Variants in GRIK2 observed in about 807,000 individuals in gnomAD.
GRIK2 encodes the protein glutamate ionotropic receptor kainate type subunit 2, also known as glutamate receptor ionotropic, kainate 2.
GRIK2 carries 32 observed loss-of-function variants against 100.3 expected under a neutral mutation model. The observed-to-expected ratio is 0.32, with a 90% CI of 0.24 to 0.43. GRIK2 has a LOEUF of 0.43. Ranked by LOEUF, GRIK2 falls within the 20% of genes least tolerant of loss-of-function variation. The pLI, the probability that GRIK2 is intolerant of heterozygous loss-of-function variation, is 1.00. For synonymous variants in GRIK2, 417 were observed against 389.4 expected, an observed-to-expected ratio of 1.07 and a Z score of -0.83; for missense variants, 843 against 1,114.9, an observed-to-expected ratio of 0.76 and a Z score of 3.47.
intron 7 of GRIK2, among the ~76,000 whole-genome samples, chr6:101,742,457 CTG>C (rs1164323910): frequency 6.6e-6 from 1 of 152,146 alleles, no homozygotes; most frequent in African/African-American, 2.4e-5. Flanking sequence ...ATATGAGTGA[CTG>C]TGGCCCATGA....
At chr6:101,850,411 T>C (rs1193632152) in intron 10 of GRIK2, among the ~76,000 whole-genome samples, 1 of 151,938 alleles carries the variant, frequency 6.6e-6, no homozygotes, top group Non-Finnish European at 1.5e-5. Context: ...TTTATACATA[T>C]CACATTAAAA....
chr6:101,830,294 T>G (rs1257381540), intron 10 of GRIK2, among the ~76,000 whole-genome samples: 1 of 151,980 alleles, frequency 6.6e-6, no homozygotes, highest in African/African-American at 2.4e-5. Flanking sequence ...TCAAGGAAAT[T>G]AAATCTAAGG....
chr6:101,780,283 T>C (rs1341220313), intron 7 of GRIK2, among the ~76,000 whole-genome samples: 1 of 152,116 alleles, frequency 6.6e-6, no homozygotes, highest in African/African-American at 2.4e-5. Context: ...TTTCCCCTCC[T>C]TTGCCCATCA....
intron 7 of GRIK2, among the ~76,000 whole-genome samples, chr6:101,756,339 T>A (rs1037757018): frequency 1.3e-5 from 2 of 152,180 alleles, no homozygotes; most frequent in African/African-American, 4.8e-5. Context: ...CTAAACAGAA[T>A]CTGGATAATG....
At chr6:101,512,301 T>C (rs1000261165) in intron 2 of GRIK2, among the ~76,000 whole-genome samples, 5 of 152,012 alleles carry the variant, frequency 3.3e-5, no homozygotes, top group Non-Finnish European at 7.4e-5. Context: ...AAAACAGAAA[T>C]AGGTAATGCA....
At chr6:101,950,960 G>A (rs898509764) in intron 14 of GRIK2, among the ~76,000 whole-genome samples, 1 of 152,218 alleles carries the variant, frequency 6.6e-6, no homozygotes, top group East Asian at 1.9e-4. Context: ...GCGGGCCATA[G>A]ATTTTATTTT....
chr6:101,857,146 G>A (rs1457175041), intron 10 of GRIK2, among the ~76,000 whole-genome samples: 1 of 152,070 alleles, frequency 6.6e-6, no homozygotes, highest in Non-Finnish European at 1.5e-5. Flanking sequence ...ACAGCAATGA[G>A]GGGCAGGGAA....
chr6:101,537,452 G>GCA (rs34764536), intron 2 of GRIK2, among the ~76,000 whole-genome samples: 1 of 69,260 alleles, frequency 1.4e-5, no homozygotes, highest in East Asian at 5.0e-4. Flanking sequence ...TTGTGTGTGT[G>GCA]TGCGTGTGTG....
At chr6:101,990,166 A>G (rs1032183391) in intron 14 of GRIK2, among the ~76,000 whole-genome samples, 3 of 151,726 alleles carry the variant, frequency 2.0e-5, no homozygotes, top group African/African-American at 7.2e-5. Context: ...CCCTAATAGT[A>G]CAGTGAGTCT....
intron 2 of GRIK2, among the ~76,000 whole-genome samples, chr6:101,409,041 G>T (rs984258165): frequency 6.6e-6 from 1 of 151,408 alleles, no homozygotes; most frequent in East Asian, 1.9e-4. Context: ...ACAGTAAATT[G>T]CCCCCAAGGA....
At chr6:101,623,668 G>C (rs1780288381) in intron 3 of GRIK2, among the ~76,000 whole-genome samples, 1 of 152,100 alleles carries the variant, frequency 6.6e-6, no homozygotes. Flanking sequence ...GCAAAATTAT[G>C]AATTGATAAA....
chr6:101,812,814 T>C (rs779725403), intron 9 of GRIK2, among the ~76,000 whole-genome samples: 1 of 151,992 alleles, frequency 6.6e-6, no homozygotes, highest in Non-Finnish European at 1.5e-5. Context: ...GTAATTAAGA[T>C]ACATGCATAA....
intron 2 of GRIK2, among the ~76,000 whole-genome samples, chr6:101,493,506 A>T (rs945131507): frequency 6.6e-6 from 1 of 152,060 alleles, no homozygotes; most frequent in Non-Finnish European, 1.5e-5. Context: ...TCAAATAATA[A>T]TCAAAATTAT....
At chr6:102,029,406 C>G (rs544368824) in intron 14 of GRIK2, among the ~76,000 whole-genome samples, 1 of 151,240 alleles carries the variant, frequency 6.6e-6, no homozygotes, top group Non-Finnish European at 1.5e-5. Flanking sequence ...AATTTGCATA[C>G]AACTTTCATA....
intron 12 of GRIK2, among the ~76,000 whole-genome samples, chr6:101,919,889 A>G (rs1390267402): frequency 6.6e-6 from 1 of 151,952 alleles, no homozygotes; most frequent in Admixed American, 6.6e-5. Flanking sequence ...TTAGGTGTAA[A>G]GATATAGGAG....
chr6:101,829,584 T>G (rs1159887069), intron 10 of GRIK2, among the ~76,000 whole-genome samples: 1 of 152,008 alleles, frequency 6.6e-6, no homozygotes, highest in Non-Finnish European at 1.5e-5. Flanking sequence ...ATCAGTTGCA[T>G]TTTTATACAC....
chr6:101,898,438 G>GT (rs1185341320), intron 12 of GRIK2, among the ~76,000 whole-genome samples: 2 of 151,252 alleles, frequency 1.3e-5, no homozygotes, highest in Admixed American at 6.6e-5. Context: ...TTTACTACAT[G>GT]TTAGTAGTAT....
In GRIK2 at chr6:102,068,638, GAA is replaced by G. The variant is rs1401311913; in HGVS notation, c.*128_*129del. ...AGTTACCTCATGCCGCTGTGTCTAT[GAA>G]CTAGAGACTCTGTGATCTAAGCAGT... On this transcript the variant is annotated 3_prime_UTR_variant, in exon 17 of 17. Transcript: ENST00000369134. 1 of 730,170 alleles carries G rather than the reference GAA, an allele frequency of 1.4e-6. No homozygotes were observed. Among genetic ancestry groups the G allele is most frequent in the Non-Finnish European group, 2.2e-6 (1 of 445,234 alleles). 45.2% of individuals were successfully genotyped at this position (730,170 alleles called of 1,614,324 possible). A position where few individuals can be genotyped will look rare whatever the true frequency, so the allele number is the denominator to read the frequency against.
chr6:101,554,124 G>A (rs1044813406), intron 2 of GRIK2, among the ~76,000 whole-genome samples: 1 of 152,130 alleles, frequency 6.6e-6, no homozygotes, highest in African/African-American at 2.4e-5. Flanking sequence ...ATAAGCAGTA[G>A]GAACAGAATT....
Sources: allele counts gnomAD v4.1 joint callset (sites outside exome capture counted in the v4.1 genomes callset), GRCh38; gene constraint gnomAD v4.1.1; transcripts MANE v1.5; gene names NCBI Gene and HGNC (gene_info 2026-07-23, HGNC 2026-07-21).